DIS3L: variants seen among roughly 807,000 people sequenced by gnomAD.
DIS3L encodes DIS3 like exosome 3'-5' exoribonuclease.
Under a neutral mutation model 120.3 loss-of-function variants are expected in DIS3L, and 100 were observed. The ratio of observed to expected loss-of-function variants is 0.83; its 90% CI spans 0.71 to 0.98. The LOEUF (loss-of-function observed/expected upper bound fraction) is 0.98. Among genes scored for constraint, DIS3L ranks in the 50% least tolerant of loss-of-function variants. The pLI, the probability that DIS3L is intolerant of heterozygous loss-of-function variation, is 0.00. For synonymous variants in DIS3L, 426 were observed against 470.6 expected (o/e 0.91, Z 1.23); for missense variants, 1,196 against 1,314.2 (o/e 0.91, Z 1.39).
intron 4 of DIS3L, among the ~76,000 whole-genome samples, chr15:66,311,510 C>T (rs549690633): frequency 2.4e-4 from 37 of 152,170 alleles, no homozygotes; most frequent in African/African-American, 7.5e-4. Flanking sequence ...AAGTGTTCCA[C>T]GGTGGAGTGG....
At chr15:66,297,110 G>T (rs76681533) in intron 2 of DIS3L, among the ~76,000 whole-genome samples, 4 of 152,142 alleles carry the variant, frequency 2.6e-5, no homozygotes, top group Admixed American at 2.0e-4. Flanking sequence ...CAACCAGCAG[G>T]TGCCTTCAGG....
chr15:66,310,018 T>A (rs1040496324), intron 4 of DIS3L, among the ~76,000 whole-genome samples: 3 of 152,188 alleles, frequency 2.0e-5, no homozygotes, highest in Non-Finnish European at 4.4e-5. Flanking sequence ...ACTGTTAATC[T>A]CTCAACAGAT....
At chr15:66,294,661 T>A (rs1208116410) in intron 1 of DIS3L, among the ~76,000 whole-genome samples, 1 of 152,240 alleles carries the variant, frequency 6.6e-6, no homozygotes, top group African/African-American at 2.4e-5. Flanking sequence ...GTGCTTCATT[T>A]GAATGTGTTT....
At position 66,313,197 on chromosome 15, in the gene DIS3L, T is replaced by A. The variant is rs185243001; in HGVS notation, c.736-842T>A. On this transcript the variant is annotated intron_variant, in intron 5 of 16. Coordinates refer to ENST00000319212, the MANE Select transcript of DIS3L (RefSeq NM_001143688.3). Reference sequence around the variant, plus strand: ...TTTTAGTAGAGACGGGGTTTCACCATGTTGGCCAGAATGGTCTCGATCTCT... The same window carrying A: ...TTTTAGTAGAGACGGGGTTTCACCAAGTTGGCCAGAATGGTCTCGATCTCT... 5.1e-3 allele frequency among the ~76,000 whole-genome samples: 768 copies of A among 152,032 alleles called. 7 individuals carry two copies. Among genetic ancestry groups the A allele is most frequent in the African/African-American group, 0.018 (736 of 41,510 alleles).
Position 66,326,230 on chromosome 15 carries a change from C to A in DIS3L, c.2067C>A (p.Asn689Lys). 6.2e-7 allele frequency: 1 copy of A among 1,614,214 alleles called. No individual in the cohort carries two copies. Among genetic ancestry groups the A allele is most frequent in the Non-Finnish European group, 8.5e-7 (1 of 1,180,046 alleles). Residue 689 changes from asparagine (N) to lysine (K), a missense_variant, in exon 12 of 17, where the codon AAC becomes AAA. Physicochemically the swap from Asn to Lys is moderately conservative, Grantham distance 94. Transcript: ENST00000319212. ...TGGCTGAATGCATGATCCTGGCCAA[C>A]CACTGGGTCGCCAAAAAGATCTGGG... Reference protein sequence around the residue: ...ETVAECMILANHWVAKKIWES... With the variant: ...ETVAECMILAKHWVAKKIWES...
At chr15:66,311,015 C>G (rs1393262305) in intron 4 of DIS3L, among the ~76,000 whole-genome samples, 1 of 137,316 alleles carries the variant, frequency 7.3e-6, no homozygotes, top group Admixed American at 7.9e-5. Flanking sequence ...GCCACTTGTA[C>G]TCCAGCATGG....
intron 8 of DIS3L, 36 bp downstream of exon 8, chr15:66,318,654 C>T (rs766917105): frequency 2.7e-5 from 43 of 1,597,722 alleles, no homozygotes; most frequent in South Asian, 9.0e-5. Flanking sequence ...GGGATCTCTA[C>T]GCTTTCTCCT....
At chr15:66,298,271 C>T (rs1267841169) in intron 2 of DIS3L, among the ~76,000 whole-genome samples, 1 of 151,660 alleles carries the variant, frequency 6.6e-6, no homozygotes, top group African/African-American at 2.4e-5. Flanking sequence ...ACTCCCCATC[C>T]AGTACCTCAG....
Position 66,326,233 on chromosome 15 carries a change from C to T in DIS3L, c.2070C>T (p.His690=), listed in dbSNP as rs549881354. The T allele has an allele frequency of 1.2e-6, 2 of 1,614,202 alleles. No homozygotes were observed. The highest frequency in any genetic ancestry group is 1.7e-6 in the Non-Finnish European group (2 of 1,180,034). ...CTGAATGCATGATCCTGGCCAACCA[C>T]TGGGTCGCCAAAAAGATCTGGGAGA... The part of the protein sequence containing the change: ...TVAECMILAN[H]WVAKKIWESF... The change falls in exon 12 of 17, where the codon CAC becomes CAT. Residue 690 remains histidine (H), a synonymous_variant. Coordinates refer to ENST00000319212, the MANE Select transcript of DIS3L (RefSeq NM_001143688.3).
chr15:66,333,464 C>G lies in DIS3L; in HGVS notation c.*152C>G, dbSNP rs2140426710. The stretch of plus-strand genomic sequence containing the variant: ...AAATGTTCTCAGCCGGGCACGGTGG[C>G]TCACGCCTGTAACCCCAGCACTTTG... On this transcript the variant is annotated 3_prime_UTR_variant, in exon 17 of 17. Coordinates refer to ENST00000319212, the MANE Select transcript of DIS3L (RefSeq NM_001143688.3). 2.5e-6 allele frequency: 2 copies of G among 813,142 alleles called. No homozygotes were observed. Among genetic ancestry groups the G allele is most frequent in the East Asian group, 5.7e-5 (2 of 34,912 alleles). The allele number at this position is 813,142 out of a possible 1,614,324, so 50.4% of individuals were successfully genotyped here.
rs771786784 is a variant in DIS3L at position 66,333,180 on chromosome 15, A to G, written c.3033A>G (p.Gln1011=). Residue 1011 remains glutamine (Q), a synonymous_variant, in exon 17 of 17, where the codon CAA becomes CAG. Transcript: ENST00000319212. ...CTGTGGAAGAAGCTCAGCTTGCCCA[A>G]GAAGTCAAAGTAAACATCATTCAGG... ...TKSVEEAQLA[Q]EVKVNIIQEE... 6.2e-7 allele frequency: 1 copy of G among 1,614,010 alleles called. No homozygotes were observed. Among genetic ancestry groups the G allele is most frequent in the Non-Finnish European group, 8.5e-7 (1 of 1,180,046 alleles).
At chr15:66,293,402 C>A, upstream of DIS3L, 8 of 1,083,110 alleles carry the variant, frequency 7.4e-6, no homozygotes, top group Non-Finnish European at 9.2e-6. Flanking sequence ...CTGGTCCAGG[C>A]CACTGAGGGA....
Position 66,322,728 on chromosome 15 carries a change from G to C in DIS3L, c.1368G>C (p.Lys456Asn), listed in dbSNP as rs1806909530. ...TAAACACACCAGAAAGTCCCTGGAAGGTGAGTCCTGAAGAGGAACAAAAAC... is the reference window on the plus strand; with the variant it reads ...TAAACACACCAGAAAGTCCCTGGAACGTGAGTCCTGAAGAGGAACAAAAAC... ...MPVNTPESPWKVSPEEEQKRK... is the reference protein window; with the variant it reads ...MPVNTPESPWNVSPEEEQKRK... The change falls in exon 10 of 17, where the codon AAG (lysine) becomes AAC (asparagine). Residue 456 changes from lysine (K) to asparagine (N), a missense_variant. Transcript: ENST00000319212. 6.2e-7 allele frequency: 1 copy of C among 1,614,014 alleles called. No homozygotes were observed. Among genetic ancestry groups the C allele is most frequent in the African/African-American group, 1.3e-5 (1 of 74,904 alleles).
At chr15:66,328,907 T>G in intron 12 of DIS3L, 63 bp from the exon 13 acceptor site, 1 of 1,551,804 alleles carries the variant, frequency 6.4e-7, no homozygotes, top group Non-Finnish European at 8.7e-7. Flanking sequence ...AGGGTTCCCC[T>G]CAAAGTGTTG....
rs114298983 is a variant in DIS3L, at chr15:66,333,334, G to A, written c.*22G>A. 5,733 of 1,568,068 alleles carry A rather than the reference G, an allele frequency of 3.7e-3. 170 individuals carry two copies. The African/African-American group carries it at 0.064, about 17-fold the overall frequency. On this transcript the variant is annotated 3_prime_UTR_variant, in exon 17 of 17. Transcript: ENST00000319212. ...ATGAGAGGCTCTTACTTCACTAAGA[G>A]CTGTCATATGTGAATGTTTTACAGT... is the stretch of plus-strand genomic sequence containing the variant.
At chr15:66,316,647 C>G (rs1483131048) in intron 7 of DIS3L, among the ~76,000 whole-genome samples, 1 of 152,074 alleles carries the variant, frequency 6.6e-6, no homozygotes, top group Non-Finnish European at 1.5e-5. Context: ...GAAACCCTGT[C>G]TCTACTAAAA....
chr15:66,307,576 A>AC (rs2092714447), intron 3 of DIS3L, among the ~76,000 whole-genome samples: 1 of 152,214 alleles, frequency 6.6e-6, no homozygotes, highest in African/African-American at 2.4e-5. Flanking sequence ...TGCTGGGATT[A>AC]TAGATGTCAG....
At chr15:66,329,594 A>T in intron 14 of DIS3L, 195 bp downstream of exon 14, 1 of 1,019,370 alleles carries the variant, frequency 9.8e-7, no homozygotes, top group Non-Finnish European at 1.3e-6. Flanking sequence ...AGATTATCAG[A>T]TTTTTTTTTT....
intron 7 of DIS3L, among the ~76,000 whole-genome samples, chr15:66,315,478 C>T (rs2092808217): frequency 1.3e-5 from 2 of 152,030 alleles, no homozygotes; most frequent in Admixed American, 6.6e-5. Flanking sequence ...GATGAAAACA[C>T]TTAAGATCTA....
Sources: allele counts gnomAD v4.1 joint callset (sites outside exome capture counted in the v4.1 genomes callset), GRCh38; gene constraint gnomAD v4.1.1; transcripts MANE v1.5; gene names NCBI Gene and HGNC (gene_info 2026-07-23, HGNC 2026-07-21).